Variants in RFX7 observed in about 807,000 individuals in gnomAD.
RFX7 encodes regulatory factor X7, also known as DNA-binding protein RFX7.
RFX7 carries 26 observed loss-of-function variants against 111.8 expected under a neutral mutation model. The ratio of observed to expected loss-of-function variants is 0.23; its 90% confidence interval spans 0.17 to 0.32. The LOEUF (loss-of-function observed/expected upper bound fraction) is 0.32, where lower values mean the gene tolerates loss of function less well. Among genes scored for constraint, RFX7 ranks in the 10% least tolerant of loss-of-function variants. The pLI is 1.00. For synonymous variants in RFX7, 624 were observed against 624.4 expected (o/e 1.00, Z 0.01); for missense variants, 1,573 against 1,772.9 (o/e 0.89, Z 2.02).
At chr15:56,150,334 T>G (rs2042551807) in intron 3 of RFX7, among the ~76,000 whole-genome samples, 2 of 152,168 alleles carry the variant, frequency 1.3e-5, no homozygotes, top group African/African-American at 4.8e-5. Context: ...TCTCCTCAAG[T>G]GGGTCCCTGA....
intron 2 of RFX7, among the ~76,000 whole-genome samples, chr15:56,226,472 G>GAAACAGAAACAGA (rs2043484461): frequency 6.6e-6 from 1 of 152,052 alleles, no homozygotes; most frequent in Admixed American, 6.6e-5. Flanking sequence ...AACAGATACA[G>GAAACAGAAACAGA]TACACCCTAG....
At position 56,095,313 on chromosome 15, in the gene RFX7, CATA is replaced by C; in HGVS notation, c.2412_2414del (p.Met805del). 6.2e-7 allele frequency: 1 copy of C among 1,613,954 alleles called. No homozygotes were observed. On this transcript the variant is annotated inframe_deletion, in exon 10 of 10. Coordinates refer to ENST00000559447, the MANE Select transcript of RFX7 (RefSeq NM_022841.7). ...TGATATCAGAGTGCTCAGGAATTGT[CATA>C]ACACTGATATCTTGCTGTTGTTCAC...
At chr15:56,151,597 G>A (rs1218590253) in intron 3 of RFX7, among the ~76,000 whole-genome samples, 1 of 152,154 alleles carries the variant, frequency 6.6e-6, no homozygotes, top group South Asian at 2.1e-4. Context: ...ACCAGCCACT[G>A]CAAAAACATA....
At chr15:56,130,923 C>CA (rs2042203623) in intron 5 of RFX7, among the ~76,000 whole-genome samples, 1 of 152,022 alleles carries the variant, frequency 6.6e-6, no homozygotes. Flanking sequence ...CAAAAATTGT[C>CA]AAAGAATTAC....
At chr15:56,209,971 T>G (rs192260940) in intron 2 of RFX7, among the ~76,000 whole-genome samples, 1 of 152,162 alleles carries the variant, frequency 6.6e-6, no homozygotes, top group African/African-American at 2.4e-5. Context: ...TAAATATTAA[T>G]CCAACTATAT....
intron 2 of RFX7, among the ~76,000 whole-genome samples, chr15:56,237,546 A>T (rs1428016504): frequency 2.0e-5 from 3 of 152,248 alleles, no homozygotes; most frequent in African/African-American, 7.2e-5. Flanking sequence ...TGCATCTTTC[A>T]TAACAAGACA....
intron 2 of RFX7, 82 bp downstream of exon 2, chr15:56,243,043 C>T (rs140399955): frequency 2.5e-5 from 13 of 524,260 alleles, no homozygotes; most frequent in South Asian, 1.7e-4. Flanking sequence ...CTCCTCCGCT[C>T]CCCCCGCCCG....
At chr15:56,140,488 A>G (rs750248994) in intron 5 of RFX7, among the ~76,000 whole-genome samples, 2 of 152,014 alleles carry the variant, frequency 1.3e-5, no homozygotes, top group South Asian at 2.1e-4. Context: ...CGCACGGTGC[A>G]CGCACCCACT....
chr15:56,138,886 G>T (rs1252547849), intron 5 of RFX7, among the ~76,000 whole-genome samples: 18 of 152,218 alleles, frequency 1.2e-4, no homozygotes, highest in African/African-American at 4.3e-4. Context: ...GCTTGGTTTG[G>T]CTGGATATGA....
At chr15:56,190,272 C>T (rs1396498138) in intron 2 of RFX7, among the ~76,000 whole-genome samples, 2 of 152,214 alleles carry the variant, frequency 1.3e-5, no homozygotes, top group African/African-American at 4.8e-5. Context: ...ATTTTGTCCA[C>T]TGCTGGGAGT....
At chr15:56,167,353 A>G (rs2042795420) in intron 3 of RFX7, among the ~76,000 whole-genome samples, 1 of 152,144 alleles carries the variant, frequency 6.6e-6, no homozygotes, top group African/African-American at 2.4e-5. Flanking sequence ...TTAGTCCCTA[A>G]CTATACCTCT....
chr15:56,132,107 AC>A (rs1875482177), intron 5 of RFX7, among the ~76,000 whole-genome samples: 1 of 152,122 alleles, frequency 6.6e-6, no homozygotes, highest in South Asian at 2.1e-4. Context: ...CATGAAAGAA[AC>A]ATGTAAATTA....
At chr15:56,187,080 T>C in intron 2 of RFX7, among the ~76,000 whole-genome samples, 1 of 152,066 alleles carries the variant, frequency 6.6e-6, no homozygotes, top group East Asian at 1.9e-4. Flanking sequence ...TATATTAAAA[T>C]AAACTTGCTA....
intron 3 of RFX7, among the ~76,000 whole-genome samples, chr15:56,168,813 C>T (rs2042811633): frequency 6.6e-6 from 1 of 152,138 alleles, no homozygotes. Context: ...CTTTTTCCTG[C>T]CTTAGTCTTT....
At chr15:56,114,553 C>T (rs1365423227) in intron 5 of RFX7, among the ~76,000 whole-genome samples, 1 of 151,938 alleles carries the variant, frequency 6.6e-6, no homozygotes, top group Non-Finnish European at 1.5e-5. Context: ...GATAGTAGTA[C>T]TAGTAAGCTG....
At chr15:56,209,484 G>A (rs1319724561) in intron 2 of RFX7, among the ~76,000 whole-genome samples, 2 of 151,978 alleles carry the variant, frequency 1.3e-5, no homozygotes, top group Admixed American at 1.3e-4. Flanking sequence ...TGTAAATAAG[G>A]AAAAAGCATC....
At chr15:56,156,690 T>C (rs1234206940) in intron 3 of RFX7, among the ~76,000 whole-genome samples, 1 of 151,018 alleles carries the variant, frequency 6.6e-6, no homozygotes, top group African/African-American at 2.5e-5. Context: ...ATGTTCCTAA[T>C]AGCAATACTA....
At chr15:56,158,246 A>T (rs2042678183) in intron 3 of RFX7, among the ~76,000 whole-genome samples, 1 of 152,206 alleles carries the variant, frequency 6.6e-6, no homozygotes, top group Non-Finnish European at 1.5e-5. Flanking sequence ...TTTGCCACTC[A>T]TTAGCTTTGT....
chr15:56,168,937 C>A (rs549792034), intron 3 of RFX7, among the ~76,000 whole-genome samples: 21 of 152,288 alleles, frequency 1.4e-4, no homozygotes, highest in African/African-American at 4.6e-4. Context: ...TTGCAATACT[C>A]TTGAATGCCT....
Sources: allele counts gnomAD v4.1 joint callset (sites outside exome capture counted in the v4.1 genomes callset), GRCh38; gene constraint gnomAD v4.1.1; transcripts MANE v1.5; gene names NCBI Gene and HGNC (gene_info 2026-07-23, HGNC 2026-07-21).